Variants in CFAP20DC observed in about 807,000 individuals in gnomAD.
CFAP20DC encodes protein CFAP20DC.
CFAP20DC carries 84 observed loss-of-function variants against 101.7 expected under a neutral mutation model. That is an observed-to-expected ratio of 0.83 (90% CI 0.69 to 0.99). CFAP20DC has a LOEUF of 0.99. Ranked by LOEUF, CFAP20DC falls within the 50% of genes least tolerant of loss-of-function variation. The probability of loss-of-function intolerance (pLI) is 0.00; values close to 1 mark genes in which losing one functional copy is unlikely to be tolerated. For synonymous variants in CFAP20DC, 359 were observed against 351.2 expected (o/e 1.02, Z -0.25); for missense variants, 1,007 against 970.3 (o/e 1.04, Z -0.50).
At position 58,913,651 on chromosome 3, in the gene CFAP20DC, G is replaced by A. The variant is rs1438942055; in HGVS notation, c.550+57C>T. On this transcript the variant is annotated intron_variant, in intron 6 of 16. Coordinates refer to ENST00000482387, the MANE Select transcript of CFAP20DC (RefSeq NM_001394063.1). The surrounding 1 kb of genome is among the most constrained non-coding windows in gnomAD (Gnocchi z 4.4). The stretch of plus-strand genomic sequence containing the variant: ...ACACTCATACTATCCCAAAGGTATG[G>A]CTAATTTTAAAAATACATCAGAGAA... 6.4e-7 allele frequency: 1 copy of A among 1,559,306 alleles called. No individual in the cohort carries two copies. Among genetic ancestry groups the A allele is most frequent in the Non-Finnish European group, 8.8e-7 (1 of 1,131,294 alleles).
chr3:58,919,231 T>C (rs983713808), intron 5 of CFAP20DC, among the ~76,000 whole-genome samples: 1 of 152,212 alleles, frequency 6.6e-6, no homozygotes, highest in Non-Finnish European at 1.5e-5. Flanking sequence ...TATTTAAGGC[T>C]CATGAGTGTT....
chr3:58,776,522 C>G (rs1004316468), intron 15 of CFAP20DC, among the ~76,000 whole-genome samples: 1 of 151,788 alleles, frequency 6.6e-6, no homozygotes, highest in African/African-American at 2.4e-5. Context: ...AATTGCTGCC[C>G]TTAGAGACTT....
intron 5 of CFAP20DC, among the ~76,000 whole-genome samples, chr3:58,935,169 C>G (rs1390890645): frequency 6.6e-6 from 1 of 152,156 alleles, no homozygotes; most frequent in Non-Finnish European, 1.5e-5. Flanking sequence ...AACTCCCATT[C>G]ACAATTGCTT....
intron 5 of CFAP20DC, among the ~76,000 whole-genome samples, chr3:58,934,588 T>A (rs2087246840): frequency 6.6e-6 from 1 of 152,232 alleles, no homozygotes; most frequent in Non-Finnish European, 1.5e-5. Context: ...TCAAGTGGGC[T>A]TCTTCCCTGG....
At position 58,729,467 on chromosome 3, in the gene CFAP20DC, A is replaced by G. The variant is rs2067603812; in HGVS notation, c.198-11839T>C. 6.6e-6 allele frequency among the ~76,000 whole-genome samples: 1 copy of G among 152,184 alleles called. No individual in the cohort carries two copies. The highest frequency in any genetic ancestry group is 1.5e-5 in the Non-Finnish European group (1 of 68,040). On this transcript the variant is annotated intron_variant, in intron 3 of 3. Coordinates refer to the CFAP20DC transcript ENST00000486145. This position sits in a 1 kb window ranked among gnomAD's most constrained non-coding sequence, Gnocchi z 4.4. ...TCCAACAACATTAACGAATTCTTAT[A>G]ACTTTTATTAATTTATGTGTAGATA... is the stretch of plus-strand genomic sequence containing the variant.
chr3:58,731,748 C>T (rs1242713966), intron 3 of CFAP20DC, among the ~76,000 whole-genome samples: 1 of 152,072 alleles, frequency 6.6e-6, no homozygotes, highest in Non-Finnish European at 1.5e-5. Context: ...AGCAGATAAA[C>T]AGAACAAAAT....
rs1453860363 is a variant in CFAP20DC, at chr3:58,729,734, G to C, written c.198-12106C>G. 6.6e-5 allele frequency among the ~76,000 whole-genome samples: 10 copies of C among 152,176 alleles called. No individual in the cohort carries two copies. In the South Asian group the frequency reaches 2.1e-3, roughly 32 times the overall value. On this transcript the variant is annotated intron_variant, in intron 3 of 3. Coordinates refer to the CFAP20DC transcript ENST00000486145. This position sits in a 1 kb window ranked among gnomAD's most constrained non-coding sequence, Gnocchi z 4.4. ...AATTAGTCTGCTATTATTGAAAGTT[G>C]AGGCTGGGATCGGTGGCTCATGCCT...
chr3:58,938,637 T>C (rs540380459), intron 4 of CFAP20DC, among the ~76,000 whole-genome samples: 26 of 152,338 alleles, frequency 1.7e-4, no homozygotes, highest in South Asian at 1.5e-3. Flanking sequence ...AAACGCATCA[T>C]TGTCAATATT....
intron 15 of CFAP20DC, among the ~76,000 whole-genome samples, chr3:58,791,698 T>C (rs2072872662): frequency 6.6e-6 from 1 of 152,156 alleles, no homozygotes; most frequent in Non-Finnish European, 1.5e-5. Flanking sequence ...AAACAACAAA[T>C]GTTAATTTCT....
At chr3:58,908,509 G>A (rs576988957) in intron 6 of CFAP20DC, among the ~76,000 whole-genome samples, 32 of 152,220 alleles carry the variant, frequency 2.1e-4, no homozygotes, top group African/African-American at 7.2e-4. Context: ...ACCAAATGCC[G>A]GTGAGAATGT....
chr3:58,750,365 T>A (rs1294311349), intron 16 of CFAP20DC, among the ~76,000 whole-genome samples: 3 of 152,198 alleles, frequency 2.0e-5, no homozygotes, highest in Non-Finnish European at 4.4e-5. Flanking sequence ...ATCACTGCAC[T>A]GCCCTAAGTC....
chr3:58,856,675 G>A (rs1290739782), intron 12 of CFAP20DC, among the ~76,000 whole-genome samples: 1 of 152,094 alleles, frequency 6.6e-6, no homozygotes, highest in Non-Finnish European at 1.5e-5. Context: ...GGTGACTCTT[G>A]CAATTTTTTT....
Position 59,014,262 on chromosome 3 carries a change from C to G in CFAP20DC, c.278+25295G>C, listed in dbSNP as rs1213973061. ...AAAAGATCGACCTTAAACTAGATTT[C>G]CAACATTTCCATCTGTATGCAAAAC... On this transcript the variant is annotated intron_variant, in intron 4 of 16. Coordinates refer to ENST00000482387, the MANE Select transcript of CFAP20DC (RefSeq NM_001394063.1). This position sits in a 1 kb window ranked among gnomAD's most constrained non-coding sequence, Gnocchi z 4.9. 3.3e-5 allele frequency among the ~76,000 whole-genome samples: 5 copies of G among 152,028 alleles called. No individual in the cohort carries two copies. Among genetic ancestry groups the G allele is most frequent in the Admixed American group, 1.3e-4 (2 of 15,254 alleles).
intron 3 of CFAP20DC, among the ~76,000 whole-genome samples, chr3:58,731,216 G>T (rs2067640013): frequency 6.6e-6 from 1 of 152,200 alleles, no homozygotes; most frequent in East Asian, 1.9e-4. Flanking sequence ...AGTGAAGGAT[G>T]GAAAGAGGGT....
At chr3:58,839,324 G>T (rs190343064) in intron 13 of CFAP20DC, among the ~76,000 whole-genome samples, 4 of 152,292 alleles carry the variant, frequency 2.6e-5, no homozygotes, top group Admixed American at 6.5e-5. Flanking sequence ...CAATTTAGAT[G>T]AGAGTGAGGT....
In CFAP20DC at chr3:58,892,408, T is replaced by C. The variant is rs1258530888; in HGVS notation, c.551-7699A>G. Among the ~76,000 whole-genome samples the C allele has an allele frequency of 6.6e-6, 1 of 152,240 alleles. No individual in the cohort carries two copies. The highest frequency in any genetic ancestry group is 1.5e-5 in the Non-Finnish European group (1 of 68,042). ...AGTTTAATGGGAATAGCACTGAATC[T>C]ATAAATTACTTTGAGCAGTATGGCC... On this transcript the variant is annotated intron_variant, in intron 6 of 16. Coordinates refer to ENST00000482387, the MANE Select transcript of CFAP20DC (RefSeq NM_001394063.1). The surrounding 1 kb of genome is among the most constrained non-coding windows in gnomAD (Gnocchi z 4.0).
At chr3:58,806,502 G>A in intron 14 of CFAP20DC, 46 bp from the exon 15 acceptor site, 1 of 1,346,994 alleles carries the variant, frequency 7.4e-7, no homozygotes, top group Non-Finnish European at 1.1e-6. Flanking sequence ...GCACAAAGCT[G>A]TTTACATAGA....
At chr3:58,776,806 T>C (rs1193806042) in intron 15 of CFAP20DC, among the ~76,000 whole-genome samples, 3 of 151,878 alleles carry the variant, frequency 2.0e-5, no homozygotes, top group African/African-American at 7.3e-5. Flanking sequence ...ACAGGAACTA[T>C]GTAGAGGCCT....
intron 4 of CFAP20DC, among the ~76,000 whole-genome samples, chr3:58,986,886 T>TATTTATAATAGG: frequency 6.6e-6 from 1 of 151,496 alleles, no homozygotes; most frequent in South Asian, 2.1e-4. Flanking sequence ...TGAGGGAGAG[T>TATTTATAATAGG]CAGTATTTAT....
Sources: gnomAD v4.1 joint callset for allele counts (sites outside exome capture counted in the v4.1 genomes callset) on GRCh38, gnomAD v4.1.1 for gene constraint, Gnocchi (gnomAD v3.1) non-coding constraint, MANE v1.5 for transcripts, NCBI Gene and HGNC (gene_info 2026-07-23, HGNC 2026-07-21) for gene names.